The following XIST variants were observed in gnomAD, a reference collection of about 807,000 sequenced individuals.
XIST encodes the protein X inactive specific transcript (non-protein coding).
chrX:73,844,821 T>C lies in XIST; in HGVS notation n.7903A>G, dbSNP rs73624270. 738 of 554,512 alleles carry C rather than the reference T, an allele frequency of 1.3e-3. 5 individuals are homozygous for C. In the African/African-American group the frequency reaches 0.014, roughly 10 times the overall value. 45.7% of individuals were successfully genotyped at this position (554,512 alleles called of 1,213,427 possible). ...GATAGGCCGTGTGCAGTTACACACA[T>C]TATTGACCAAGGTGCATGGCTGCGG... is the stretch of plus-strand genomic sequence containing the variant. On this transcript the variant is annotated non_coding_transcript_exon_variant, in exon 1 of 6. Coordinates refer to ENST00000429829, the Ensembl canonical transcript of XIST.
At chrX:73,833,374 CCTT>C in intron 2 of XIST, 1 of 548,729 alleles carries the variant, frequency 1.8e-6, no homozygotes, top group South Asian at 2.4e-5. Flanking sequence ...CTCAGAATGT[CCTT>C]AAGAAGAAAG....
At chrX:73,827,067 T>G in exon 6 of XIST, 1 of 558,572 alleles carries the variant, frequency 1.8e-6, no homozygotes, top group East Asian at 3.2e-5. Context: ...GGGTCTCAAG[T>G]CTCAAACCAT....
At chrX:73,823,063 A>T (rs1486772821) in exon 6 of XIST, 5 of 551,137 alleles carry the variant, frequency 9.1e-6, no homozygotes, top group Middle Eastern at 3.2e-4. Flanking sequence ...TCTTTTTTTT[A>T]TTGCTCATAT....
chrX:73,844,807 T>G, exon 1 of XIST: 1 of 556,739 alleles, frequency 1.8e-6, no homozygotes, highest in South Asian at 2.2e-5. Flanking sequence ...ATAGGCCGTG[T>G]GCAGTTACAC....
intron 1 of XIST, among the ~76,000 whole-genome samples, chrX:73,838,470 G>A (rs919394566): frequency 7.2e-5 from 8 of 110,420 alleles, no homozygotes; most frequent in African/African-American, 2.3e-4. Flanking sequence ...TTTACATTTT[G>A]TTTCAGTTTC....
intron 5 of XIST, chrX:73,828,587 C>T (rs1922315870): frequency 8.8e-6 from 1 of 113,560 alleles, no homozygotes; most frequent in Non-Finnish European, 1.8e-5. Context: ...ATAGGACTTG[C>T]TCAATCCCCT....
chrX:73,852,507 C>T, exon 1 of XIST: 1 of 540,904 alleles, frequency 1.8e-6, no homozygotes, highest in Non-Finnish European at 3.3e-6. Flanking sequence ...ATTCCAAATA[C>T]TTTCTTTAAA....
chrX:73,828,028 AAGT>A (rs1922303469), intron 5 of XIST: 3 of 471,394 alleles, frequency 6.4e-6, no homozygotes, highest in East Asian at 7.3e-5. Flanking sequence ...CAGAGGAAGT[AAGT>A]AGTAGAAGAG....
chrX:73,845,404 C>G, exon 1 of XIST: 1 of 538,376 alleles, frequency 1.9e-6, no homozygotes, highest in Admixed American at 2.3e-5. Context: ...TATGCACATT[C>G]ATGTCCAAGG....
At chrX:73,848,407 C>T (rs1286788565) in exon 1 of XIST, 9 of 554,543 alleles carry the variant, frequency 1.6e-5, no homozygotes, top group South Asian at 9.1e-5. Flanking sequence ...GGATTGTGCA[C>T]ATAAACTGTC....
exon 1 of XIST, chrX:73,846,858 T>C (rs1325918309): frequency 3.6e-6 from 2 of 557,591 alleles, no homozygotes; most frequent in African/African-American, 2.2e-5. Context: ...AAGTGAATAG[T>C]ACCCCATGCA....
exon 6 of XIST, chrX:73,826,007 T>C (rs755949949): frequency 7.2e-6 from 4 of 557,167 alleles, no homozygotes; most frequent in South Asian, 4.5e-5. Flanking sequence ...TGGCCACTAC[T>C]ATGAGCAGGG....
exon 1 of XIST, chrX:73,845,671 G>C (rs777410384): frequency 1.8e-6 from 1 of 557,399 alleles, no homozygotes; most frequent in South Asian, 2.2e-5. Flanking sequence ...AGATGGGATG[G>C]GCCATGTGCA....
chrX:73,829,790 C>CAAA (rs752287639), intron 4 of XIST, among the ~76,000 whole-genome samples: 8 of 24,181 alleles, frequency 3.3e-4, no homozygotes, highest in African/African-American at 5.5e-4. Context: ...AACTCCATCT[C>CAAA]AAAAAAAAAA....
exon 1 of XIST, chrX:73,852,514 T>TA (rs1297714272): frequency 1.1e-5 from 6 of 537,487 alleles, no homozygotes; most frequent in East Asian, 3.3e-5. Context: ...ATACTTTCTT[T>TA]AAAAAAATAT....
At chrX:73,841,587 GT>G (rs2147703359) in exon 1 of XIST, 1 of 556,822 alleles carries the variant, frequency 1.8e-6, no homozygotes, top group East Asian at 3.3e-5. Flanking sequence ...AAAACACCCT[GT>G]ACACTAGTGG....
chrX:73,822,597 T>C (rs1922147942), exon 6 of XIST: 1 of 509,954 alleles, frequency 2.0e-6, no homozygotes, highest in Non-Finnish European at 3.5e-6. Context: ...TTCGTCATGA[T>C]TTTTTTTGTT....
chrX:73,843,234 T>C (rs1922643745), exon 1 of XIST: 1 of 556,668 alleles, frequency 1.8e-6, no homozygotes, highest in Non-Finnish European at 3.2e-6. Context: ...TATCCCACTC[T>C]ACCAGAAGGA....
exon 1 of XIST, chrX:73,852,344 G>GA (rs1371718805): frequency 5.7e-6 from 3 of 530,931 alleles, no homozygotes; most frequent in Non-Finnish European, 1.0e-5. Flanking sequence ...GTTGGGCAAA[G>GA]AAAAAATAAT....
Sources: gnomAD v4.1 joint callset for allele counts (sites outside exome capture counted in the v4.1 genomes callset) on GRCh38, gnomAD v4.1.1 for gene constraint, MANE v1.5 for transcripts, NCBI Gene and HGNC (gene_info 2026-07-23, HGNC 2026-07-21) for gene names.